Variants in GRID2 observed in about 807,000 individuals in gnomAD.
GRID2 encodes glutamate ionotropic receptor delta type subunit 2, also known as glutamate receptor ionotropic, delta-2.
Under a neutral mutation model 114.8 loss-of-function variants are expected in GRID2, and 33 were observed. The observed-to-expected ratio is 0.29, with a 90% confidence interval of 0.22 to 0.38. The LOEUF is 0.38. Ranked by LOEUF, GRID2 falls within the 10% of genes least tolerant of loss-of-function variation. The probability of loss-of-function intolerance (pLI) is 1.00; values close to 1 mark genes in which losing one functional copy is unlikely to be tolerated. For synonymous variants in GRID2, 505 were observed against 449.9 expected, an observed-to-expected ratio of 1.12 and a Z score of -1.55; for missense variants, 1,184 against 1,257.7, an observed-to-expected ratio of 0.94 and a Z score of 0.89.
intron 4 of GRID2, among the ~76,000 whole-genome samples, chr4:93,175,713 C>T (rs1045420807): frequency 5.9e-5 from 9 of 152,066 alleles, no homozygotes; most frequent in South Asian, 2.1e-4. Context: ...AAGAAGAATT[C>T]GAAATTGTAG....
intron 2 of GRID2, among the ~76,000 whole-genome samples, chr4:92,897,912 T>C (rs940120418): frequency 1.3e-5 from 2 of 152,178 alleles, no homozygotes; most frequent in African/African-American, 2.4e-5. Context: ...GCTAAGATGA[T>C]TTAGGATGCT....
chr4:93,140,565 C>T (rs530577878), intron 4 of GRID2, among the ~76,000 whole-genome samples: 4 of 152,262 alleles, frequency 2.6e-5, no homozygotes, highest in African/African-American at 7.2e-5. Flanking sequence ...TACCCCTTAC[C>T]TCACGTACCC....
intron 2 of GRID2, among the ~76,000 whole-genome samples, chr4:92,810,856 A>G (rs981686128): frequency 6.6e-6 from 1 of 152,090 alleles, no homozygotes; most frequent in Non-Finnish European, 1.5e-5. Context: ...TGGTGGCACA[A>G]TCTTGGCTCA....
chr4:92,889,871 A>G (rs1292897012), intron 2 of GRID2, among the ~76,000 whole-genome samples: 1 of 152,192 alleles, frequency 6.6e-6, no homozygotes, highest in African/African-American at 2.4e-5. Flanking sequence ...AAACTATACT[A>G]CAAGGCTACA....
At chr4:92,507,576 A>T (rs893726568) in intron 1 of GRID2, among the ~76,000 whole-genome samples, 1 of 151,974 alleles carries the variant, frequency 6.6e-6, no homozygotes, top group Non-Finnish European at 1.5e-5. Flanking sequence ...ATAAAAATTT[A>T]AAAAATAAAA....
At chr4:93,075,626 A>C (rs1207664901) in intron 2 of GRID2, among the ~76,000 whole-genome samples, 1 of 152,156 alleles carries the variant, frequency 6.6e-6, no homozygotes, top group Non-Finnish European at 1.5e-5. Context: ...TCATGATATG[A>C]GATTAATACA....
intron 14 of GRID2, among the ~76,000 whole-genome samples, chr4:93,731,500 TC>T (rs1730481413): frequency 6.6e-6 from 1 of 152,182 alleles, no homozygotes; most frequent in South Asian, 2.1e-4. Context: ...AAGGAATTTG[TC>T]CCCTGAATGC....
At chr4:92,445,481 A>G (rs1376848198) in intron 1 of GRID2, among the ~76,000 whole-genome samples, 1 of 152,210 alleles carries the variant, frequency 6.6e-6, no homozygotes, top group Non-Finnish European at 1.5e-5. Flanking sequence ...TTAAACTTTC[A>G]TGTTGTATAC....
chr4:93,453,949 G>C (rs1722951292), intron 10 of GRID2, among the ~76,000 whole-genome samples: 1 of 151,938 alleles, frequency 6.6e-6, no homozygotes, highest in Non-Finnish European at 1.5e-5. Flanking sequence ...AAACTGAACA[G>C]TTACATTCAT....
At chr4:92,439,015 T>C (rs1732876213) in intron 1 of GRID2, among the ~76,000 whole-genome samples, 2 of 152,122 alleles carry the variant, frequency 1.3e-5, no homozygotes, top group Admixed American at 1.3e-4. Context: ...TGGCTGTTTA[T>C]TTCACCTGGG....
chr4:93,209,474 C>T (rs1300637080), intron 5 of GRID2, among the ~76,000 whole-genome samples: 1 of 152,082 alleles, frequency 6.6e-6, no homozygotes, highest in African/African-American at 2.4e-5. Context: ...ATATGTGCCA[C>T]ATTTTCTTTA....
At chr4:93,703,665 T>G (rs7686828) in intron 14 of GRID2, among the ~76,000 whole-genome samples, 5,214 of 107,638 alleles carry the variant, frequency 0.048, 166 homozygotes, top group African/African-American at 0.099. Flanking sequence ...CCCACAACAG[T>G]CCCCAGTGTG....
At chr4:93,190,718 C>T (rs183708510) in intron 4 of GRID2, among the ~76,000 whole-genome samples, 1 of 152,108 alleles carries the variant, frequency 6.6e-6, no homozygotes, top group Admixed American at 6.6e-5. Flanking sequence ...TACGCTATTT[C>T]CTAGCTTTAG....
intron 2 of GRID2, among the ~76,000 whole-genome samples, chr4:93,066,088 C>A (rs1728267105): frequency 6.6e-6 from 1 of 151,804 alleles, no homozygotes; most frequent in East Asian, 1.9e-4. Flanking sequence ...TGCTAAAAAG[C>A]ATAGAACCAG....
At position 93,227,870 on chromosome 4, in the gene GRID2, T is replaced by A. The variant is rs114472193; in HGVS notation, c.1125+3095T>A. On this transcript the variant is annotated intron_variant, in intron 7 of 15. Coordinates refer to ENST00000282020, the MANE Select transcript of GRID2 (RefSeq NM_001510.4). Reference sequence around the variant, plus strand: ...ATTTCTGTCTGAGACCTCACCAGAATGTCCTTTTCTCTCCGTATTTTTATG... The same window carrying A: ...ATTTCTGTCTGAGACCTCACCAGAAAGTCCTTTTCTCTCCGTATTTTTATG... 3.2e-3 allele frequency among the ~76,000 whole-genome samples: 493 copies of A among 152,340 alleles called. 1 individual carries two copies. Among genetic ancestry groups the A allele is most frequent in the African/African-American group, 0.011 (470 of 41,594 alleles).
chr4:93,164,707 C>G (rs1167262003), intron 4 of GRID2: 1 of 435,424 alleles, frequency 2.3e-6, no homozygotes, highest in South Asian at 1.6e-5. Context: ...ACAAAATATG[C>G]TTAATTTTTT....
At chr4:93,592,580 G>T (rs902351798) in intron 13 of GRID2, among the ~76,000 whole-genome samples, 1 of 152,048 alleles carries the variant, frequency 6.6e-6, no homozygotes, top group Non-Finnish European at 1.5e-5. Flanking sequence ...GGTCTGCTTG[G>T]TGCAGAGCTG....
rs778867138 is a variant in GRID2, at chr4:92,530,776, G to A, written c.89-59355G>A. The stretch of plus-strand genomic sequence containing the variant: ...AAAAAAATTAGCTGGGCGTGGTGGC[G>A]TGTGCCTATAATCCCAACTACTCAG... On this transcript the variant is annotated intron_variant, in intron 1 of 15. Transcript: ENST00000282020. Among the ~76,000 whole-genome samples the A allele has an allele frequency of 4.0e-5, 6 of 150,766 alleles. No individual in the cohort carries two copies. The East Asian group carries it at 7.8e-4, about 20-fold the overall frequency.
At chr4:93,283,347 T>C (rs1328278731) in intron 8 of GRID2, among the ~76,000 whole-genome samples, 1 of 152,078 alleles carries the variant, frequency 6.6e-6, no homozygotes, top group Non-Finnish European at 1.5e-5. Context: ...AAACTTGTTT[T>C]CTTTCTGGAA....
Sources: gnomAD v4.1 joint callset for allele counts (sites outside exome capture counted in the v4.1 genomes callset) on GRCh38, gnomAD v4.1.1 for gene constraint, MANE v1.5 for transcripts, NCBI Gene and HGNC (gene_info 2026-07-23, HGNC 2026-07-21) for gene names.